The following PWWP3A variants were observed in gnomAD, a reference collection of about 807,000 sequenced individuals.
PWWP3A encodes PWWP domain containing 3A, DNA repair factor, also known as PWWP domain-containing DNA repair factor 3A.
In PWWP3A, 53 loss-of-function variants were observed where a neutral mutation model predicts 79.0. The ratio of observed to expected loss-of-function variants is 0.67; its 90% CI spans 0.54 to 0.84. The LOEUF (loss-of-function observed/expected upper bound fraction) is 0.84. Ranked by LOEUF, PWWP3A falls within the 40% of genes least tolerant of loss-of-function variation. PWWP3A has a pLI of 0.00. For missense variants in PWWP3A, 973 were observed against 948.0 expected, an observed-to-expected ratio of 1.03 and a Z score of -0.35; for synonymous variants, 443 against 394.4, an observed-to-expected ratio of 1.12 and a Z score of -1.46.
chr19:1,366,391 T>A lies in PWWP3A; in HGVS notation c.1361+10T>A. 6.2e-7 allele frequency: 1 copy of A among 1,613,682 alleles called. No individual in the cohort carries two copies. Among genetic ancestry groups the A allele is most frequent in the Non-Finnish European group, 8.5e-7 (1 of 1,179,570 alleles). On this transcript the variant is annotated intron_variant, in intron 8 of 13. Transcript: ENST00000591337. ...ACCCGAAAATGAAAGGGTAACCCGC[T>A]GTTCTTGGTTTCTGTGAATGGGCCT...
chr19:1,360,843 A>G lies in PWWP3A; in HGVS notation c.922A>G (p.Ser308Gly). ...GAAAAAGAGGCCGCGCCTGGATGGCAGCCAAAGGCCGCCTGCCGTGCAGCT... is the reference window on the plus strand; with the variant it reads ...GAAAAAGAGGCCGCGCCTGGATGGCGGCCAAAGGCCGCCTGCCGTGCAGCT... ...PAKKRPRLDGSQRPPAVQLEP... is the reference protein window; with the variant it reads ...PAKKRPRLDGGQRPPAVQLEP... The change falls in exon 5 of 14, where the codon AGC becomes GGC. Residue 308 changes from serine to glycine, a missense_variant. Physicochemically the swap from Ser to Gly is moderately conservative, Grantham distance 56. Coordinates refer to ENST00000591337, the MANE Select transcript of PWWP3A (RefSeq NM_001369789.1). This position sits in a 1 kb window ranked among gnomAD's most constrained non-coding sequence, Gnocchi z 4.4. 2 of 1,555,792 alleles carry G rather than the reference A, an allele frequency of 1.3e-6. No individual in the cohort carries two copies. Among genetic ancestry groups the G allele is most frequent in the Non-Finnish European group, 1.7e-6 (2 of 1,152,148 alleles).
chr19:1,367,293 G>C, intron 9 of PWWP3A, 73 bp downstream of exon 9: 1 of 1,309,016 alleles, frequency 7.6e-7, no homozygotes. Flanking sequence ...TCTGTGTGTA[G>C]CTCTTGAAAT....
chr19:1,367,415 C>G (rs1479044609), intron 9 of PWWP3A, among the ~76,000 whole-genome samples, 195 bp downstream of exon 9: 1 of 152,244 alleles, frequency 6.6e-6, no homozygotes, highest in Non-Finnish European at 1.5e-5. Context: ...ATTCTCACAA[C>G]TGTCCTGGGA....
chr19:1,371,465 T>C (rs1220656395), intron 12 of PWWP3A: 2 of 691,838 alleles, frequency 2.9e-6, no homozygotes, highest in Admixed American at 2.0e-5. Flanking sequence ...ATAAACCCAC[T>C]GTAAGTTGAA....
At position 1,360,916 on chromosome 19, in the gene PWWP3A, G is replaced by A; in HGVS notation, c.995G>A (p.Gly332Glu). ...GAAPSPGPGP[G>E]PRESVTPRST... is the part of the protein sequence containing the mutation. ...GCACCATCCCCCGGGCCGGGGCCAGGGCCCAGAGAGTCTGTGACCCCGCGC... is the reference window on the plus strand; with the variant it reads ...GCACCATCCCCCGGGCCGGGGCCAGAGCCCAGAGAGTCTGTGACCCCGCGC... Residue 332 changes from glycine (G) to glutamate (E), a missense_variant, in exon 5 of 14, where the codon GGG becomes GAG. Transcript: ENST00000591337. This position sits in a 1 kb window ranked among gnomAD's most constrained non-coding sequence, Gnocchi z 4.4. 1 of 1,538,902 alleles carries A rather than the reference G, an allele frequency of 6.5e-7. No homozygotes were observed. The highest frequency in any genetic ancestry group is 1.2e-5 in the South Asian group (1 of 82,792).
intron 13 of PWWP3A, among the ~76,000 whole-genome samples, chr19:1,376,122 CTTTT>C (rs764962400): frequency 9.3e-6 from 1 of 107,650 alleles, no homozygotes; most frequent in African/African-American, 3.7e-5. Flanking sequence ...CTGTCATACT[CTTTT>C]TTTTTTTTTT....
Position 1,357,053 on chromosome 19 carries a change from G to C in PWWP3A, c.102G>C (p.Lys34Asn). Residue 34 changes from lysine to asparagine, a missense_variant, in exon 3 of 14, where the codon AAG becomes AAC. Transcript: ENST00000591337. ...CTTCAACAAAAAATAAGAGAAGAAA[G>C]GAATATTTTCTAGCTGTGCAAATCC... The part of the protein sequence containing the change: ...TATSTKNKRR[K>N]EYFLAVQILS... 2 of 1,613,280 alleles carry C rather than the reference G, an allele frequency of 1.2e-6. No individual in the cohort carries two copies. The highest frequency in any genetic ancestry group is 1.7e-6 in the Non-Finnish European group (2 of 1,179,822).
At chr19:1,366,439 C>T (rs2082131033) in intron 8 of PWWP3A, 58 bp downstream of exon 8, 3 of 1,492,686 alleles carry the variant, frequency 2.0e-6, no homozygotes, top group East Asian at 2.3e-5. Flanking sequence ...CGGCCGCTCT[C>T]AGAGTCAGAG....
In PWWP3A at chr19:1,373,065, C is replaced by T; in HGVS notation, c.1987-7C>T. 3.1e-6 allele frequency: 5 copies of T among 1,614,056 alleles called. No homozygotes were observed. Among genetic ancestry groups the T allele is most frequent in the Non-Finnish European group, 4.2e-6 (5 of 1,179,988 alleles). On this transcript the variant is annotated splice_polypyrimidine_tract_variant and splice_region_variant and intron_variant, in intron 12 of 13. Transcript: ENST00000591337. ...CTGCTGCTATTGAGCCCCGTGCCCTCTCACAGGCCATCATCTGTGCGATCT... is the reference window on the plus strand; with the variant it reads ...CTGCTGCTATTGAGCCCCGTGCCCTTTCACAGGCCATCATCTGTGCGATCT...
intron 13 of PWWP3A, among the ~76,000 whole-genome samples, chr19:1,374,655 T>TG (rs1326341093): frequency 2.6e-5 from 4 of 152,200 alleles, no homozygotes; most frequent in African/African-American, 9.7e-5. Context: ...GCCCTATTGC[T>TG]GAGAGGGGTT....
intron 3 of PWWP3A, chr19:1,357,514 C>G (rs1483010193): frequency 6.6e-6 from 1 of 152,646 alleles, no homozygotes; most frequent in Non-Finnish European, 1.4e-5. Flanking sequence ...ACAGGCCCAT[C>G]AATTTTGAAA....
At position 1,354,981 on chromosome 19, in the gene PWWP3A, G is replaced by C. The variant is rs971270391; in HGVS notation, c.-224G>C. On this transcript the variant is annotated 5_prime_UTR_variant, in exon 1 of 14. Coordinates refer to ENST00000591337, the MANE Select transcript of PWWP3A (RefSeq NM_001369789.1). The stretch of plus-strand genomic sequence containing the variant: ...GGCAAGCCCCGCCCCCGGCCCCGCG[G>C]GGAGCGGCGGCGGCGGCGGCGGCGG... The C allele has an allele frequency of 9.0e-6, 1 of 111,436 alleles. No homozygotes were observed. The highest frequency in any genetic ancestry group is 3.5e-5 in the African/African-American group (1 of 28,902). The allele number at this position is 111,436 out of a possible 1,614,324, so 6.9% of individuals were successfully genotyped here.
In PWWP3A at chr19:1,366,327, A is replaced by G. The variant is rs1327838833; in HGVS notation, c.1307A>G (p.Asp436Gly). 2.5e-6 allele frequency: 4 copies of G among 1,614,126 alleles called. No individual in the cohort carries two copies. The highest frequency in any genetic ancestry group is 2.5e-6 in the Non-Finnish European group (3 of 1,180,030). ...PAVVKSVRQR[D>G]KKASVLYIEG... ...CAGGTCAAAAGCGTCAGGCAGAGAG[A>G]TAAGAAAGCAAGTGTGCTATACATC... Residue 436 changes from aspartate to glycine, a missense_variant, in exon 8 of 14, where the codon GAT becomes GGT. By Grantham distance (94) the Asp-to-Gly change is moderately conservative. Coordinates refer to ENST00000591337, the MANE Select transcript of PWWP3A (RefSeq NM_001369789.1).
rs2082389194 is a variant in PWWP3A at position 1,376,212 on chromosome 19, A to AGT, written c.2076-307_2076-306insGT. ...ATGATCTTGGCTCACTGCAAGCACC[A>AGT]CCTCCCGGTTTCAAGCGATTCTCCT... On this transcript the variant is annotated intron_variant, in intron 13 of 13. Coordinates refer to ENST00000591337, the MANE Select transcript of PWWP3A (RefSeq NM_001369789.1). Among the ~76,000 whole-genome samples, 3 of 118,098 alleles carry AGT rather than the reference A, an allele frequency of 2.5e-5. No individual in the cohort carries two copies. In the Admixed American group the frequency reaches 3.0e-4, roughly 12 times the overall value. The allele number at this position is 118,098 out of a possible 152,430, so 77.5% of individuals were successfully genotyped here.
rs760567002 is a variant in PWWP3A, at chr19:1,356,287, A to G, written c.-69-37A>G. The G allele has an allele frequency of 3.6e-6, 4 of 1,111,656 alleles. No homozygotes were observed. In the Admixed American group the frequency reaches 5.3e-5, roughly 15 times the overall value. 68.9% of individuals were successfully genotyped at this position (1,111,656 alleles called of 1,614,324 possible). ...TGTGTCTGCGTTAACATCGCCAGCA[A>G]ACAGTTGTATAAACCACCGTGCAAA... is the stretch of plus-strand genomic sequence containing the variant. On this transcript the variant is annotated intron_variant, in intron 1 of 13. Transcript: ENST00000591337.
chr19:1,376,482 GATTA>G, intron 13 of PWWP3A, 33 bp from the exon 14 acceptor site: 1 of 1,603,734 alleles, frequency 6.2e-7, no homozygotes, highest in Non-Finnish European at 8.5e-7. Flanking sequence ...AACACACAAT[GATTA>G]ATTACTAAAA....
At chr19:1,356,017 T>TCA (rs1414591825) in intron 1 of PWWP3A, among the ~76,000 whole-genome samples, 11 of 152,012 alleles carry the variant, frequency 7.2e-5, no homozygotes, top group African/African-American at 2.4e-4. Context: ...CCTGCCGAGG[T>TCA]CGGAGGCAGG....
rs542932720 is a variant in PWWP3A at position 1,378,282 on chromosome 19, T to G, written c.*1706T>G. 3.9e-5 allele frequency: 6 copies of G among 152,358 alleles called. No homozygotes were observed. The highest frequency in any genetic ancestry group is 1.3e-4 in the Admixed American group (2 of 15,298). The allele number at this position is 152,358 out of a possible 1,614,324, so 9.4% of individuals were successfully genotyped here. ...CTCCGGAGCCGCCCTCCATTGTGGG[T>G]TCCTGAGAGTAGGACACATTGCCAT... On this transcript the variant is annotated 3_prime_UTR_variant, in exon 14 of 14. Transcript: ENST00000591337.
intron 13 of PWWP3A, among the ~76,000 whole-genome samples, chr19:1,376,301 T>TTTTTA (rs2082396108): frequency 9.5e-6 from 1 of 105,244 alleles, no homozygotes; most frequent in African/African-American, 4.7e-5. Flanking sequence ...GTTTGTTTTT[T>TTTTTA]TTTTTGTTTG....
Sources: allele counts gnomAD v4.1 joint callset (sites outside exome capture counted in the v4.1 genomes callset), GRCh38; gene constraint gnomAD v4.1.1; non-coding constraint Gnocchi (gnomAD v3.1); transcripts MANE v1.5; gene names NCBI Gene and HGNC (gene_info 2026-07-23, HGNC 2026-07-21).